The following PLEKHH2 variants were observed in gnomAD, a reference collection of about 807,000 sequenced individuals.
PLEKHH2 encodes pleckstrin homology domain-containing family H member 2.
In PLEKHH2, 129 loss-of-function variants were observed where a neutral mutation model predicts 187.9. The observed-to-expected ratio is 0.69, with a 90% CI of 0.59 to 0.79. The LOEUF is 0.79. Ranked by LOEUF, PLEKHH2 falls within the 30% of genes least tolerant of loss-of-function variation. The pLI is 0.00. For synonymous variants in PLEKHH2, 686 were observed against 605.6 expected (o/e 1.13, Z -1.95); for missense variants, 2,076 against 1,751.2 (o/e 1.19, Z -3.31).
intron 24 of PLEKHH2, among the ~76,000 whole-genome samples, chr2:43,750,060 AGCCAAG>A (rs1671944617): frequency 6.6e-6 from 1 of 152,244 alleles, no homozygotes; most frequent in Non-Finnish European, 1.5e-5. Context: ...AAGTTGTAAG[AGCCAAG>A]GCATGTTTTT....
chr2:43,685,223 A>G (rs1263087735), intron 3 of PLEKHH2, among the ~76,000 whole-genome samples: 1 of 152,190 alleles, frequency 6.6e-6, no homozygotes, highest in African/African-American at 2.4e-5. Context: ...AAAAAGGAAT[A>G]TTTTGCCACT....
At chr2:43,677,411 T>C (rs897679350) in intron 2 of PLEKHH2, among the ~76,000 whole-genome samples, 8 of 152,162 alleles carry the variant, frequency 5.3e-5, no homozygotes, top group African/African-American at 1.9e-4. Flanking sequence ...TTAACGAGCA[T>C]GCTGCCTTCA....
At chr2:43,712,514 T>G in intron 15 of PLEKHH2, 131 bp downstream of exon 15, 1 of 1,089,596 alleles carries the variant, frequency 9.2e-7, no homozygotes, top group South Asian at 1.9e-5. Context: ...AAAGGGTGTT[T>G]TTAAGTATGA....
intron 27 of PLEKHH2, among the ~76,000 whole-genome samples, chr2:43,762,049 A>G (rs1162460476): frequency 1.3e-5 from 2 of 152,216 alleles, no homozygotes; most frequent in Non-Finnish European, 1.5e-5. Context: ...ATTGAGCCTC[A>G]AACAGATTCA....
chr2:43,707,533 G>C lies in PLEKHH2; in HGVS notation c.1954G>C (p.Ala652Pro). 1 of 1,613,950 alleles carries C rather than the reference G, an allele frequency of 6.2e-7. No individual in the cohort carries two copies. Among genetic ancestry groups the C allele is most frequent in the Non-Finnish European group, 8.5e-7 (1 of 1,179,896 alleles). ...TAGGAGTGGGCCAGGCAGCCCCAGA[G>C]CCATGAAACGAGGTGAGGGAAAATC... ...RSRSGPGSPR[A>P]MKRGVSLSSV... Residue 652 changes from alanine (A) to proline (P), a missense_variant, in exon 11 of 30, where the codon GCC (alanine) becomes CCC (proline). Physicochemically the swap from Ala to Pro is conservative, Grantham distance 27. Transcript: ENST00000282406.
At chr2:43,753,302 C>G (rs149746878) in intron 24 of PLEKHH2, among the ~76,000 whole-genome samples, 1 of 152,156 alleles carries the variant, frequency 6.6e-6, no homozygotes, top group African/African-American at 2.4e-5. Flanking sequence ...TTCTTATAAG[C>G]GCCATATAGT....
chr2:43,746,918 C>G (rs554044816), intron 24 of PLEKHH2, among the ~76,000 whole-genome samples: 1 of 150,880 alleles, frequency 6.6e-6, no homozygotes, highest in East Asian at 2.0e-4. Flanking sequence ...TGCAGTGAGC[C>G]AAGATCGCAC....
intron 2 of PLEKHH2, among the ~76,000 whole-genome samples, chr2:43,645,770 A>G (rs866395971): frequency 2.0e-5 from 3 of 152,248 alleles, no homozygotes; most frequent in South Asian, 4.1e-4. Flanking sequence ...GGCTCATATT[A>G]TATTTCTATT....
chr2:43,671,708 G>A (rs1000987119), intron 2 of PLEKHH2, among the ~76,000 whole-genome samples: 15 of 152,098 alleles, frequency 9.9e-5, no homozygotes, highest in African/African-American at 2.9e-4. Context: ...TTCATCTATC[G>A]AAATGATATT....
Position 43,692,551 on chromosome 2 carries a change from T to C in PLEKHH2, c.224T>C (p.Ile75Thr). 3.1e-6 allele frequency: 5 copies of C among 1,590,684 alleles called. No individual in the cohort carries two copies. Among genetic ancestry groups the C allele is most frequent in the Non-Finnish European group, 4.3e-6 (5 of 1,160,772 alleles). Residue 75 changes from isoleucine (I) to threonine (T), a missense_variant, in exon 4 of 30, where the codon ATT (isoleucine) becomes ACT (threonine). Ile to Thr is a moderately conservative substitution (Grantham distance 89). Coordinates refer to ENST00000282406, the MANE Select transcript of PLEKHH2 (RefSeq NM_172069.4). ...VMEDKLKAAN[I>T]QTSESETRLY... Reference sequence around the variant, plus strand: ...GAAGATAAATTAAAAGCAGCTAATATTCAAACCAGTGAATCAGAGACAAGA... The same window carrying C: ...GAAGATAAATTAAAAGCAGCTAATACTCAAACCAGTGAATCAGAGACAAGA...
At chr2:43,713,522 G>A (rs1019460413) in intron 15 of PLEKHH2, among the ~76,000 whole-genome samples, 1 of 152,116 alleles carries the variant, frequency 6.6e-6, no homozygotes, top group Non-Finnish European at 1.5e-5. Context: ...GAAATATGAT[G>A]TATTGTTAGG....
chr2:43,698,619 A>G (rs1669210615), intron 7 of PLEKHH2, among the ~76,000 whole-genome samples: 1 of 152,096 alleles, frequency 6.6e-6, no homozygotes, highest in Non-Finnish European at 1.5e-5. Context: ...AGTGGAGTAC[A>G]GCTGAGATTG....
Position 43,700,396 on chromosome 2 carries a change from C to G in PLEKHH2, c.1438C>G (p.Arg480Gly). 1 of 1,613,974 alleles carries G rather than the reference C, an allele frequency of 6.2e-7. No homozygotes were observed. The highest frequency in any genetic ancestry group is 2.2e-5 in the East Asian group (1 of 44,880). ...AAATAGAAACGCTATAAGCATGATA[C>G]GACCACTGAGACCTCAGGAAACTGA... Reference protein sequence around the residue: ...GTNRNAISMIRPLRPQETDLD... With the variant: ...GTNRNAISMIGPLRPQETDLD... Residue 480 changes from arginine to glycine, a missense_variant, in exon 8 of 30, where the codon CGA (arginine) becomes GGA (glycine). Arg to Gly is a moderately radical substitution (Grantham distance 125, BLOSUM62 -2). Transcript: ENST00000282406.
rs773104764 is a variant in PLEKHH2 at position 43,738,473 on chromosome 2, A to C, written c.3076A>C (p.Lys1026Gln). The change falls in exon 20 of 30, where the codon AAA (lysine) becomes CAA (glutamine). Residue 1026 changes from lysine (K) to glutamine (Q), a missense_variant. Transcript: ENST00000282406. ...GAATGAAATTTGCTGTCAGCTTATT[A>C]AACAGACAAGACGAAGACAGCCACA... ...LQNEICCQLIKQTRRRQPQNQ... is the reference protein window; with the variant it reads ...LQNEICCQLIQQTRRRQPQNQ... 2 of 1,613,876 alleles carry C rather than the reference A, an allele frequency of 1.2e-6. No individual in the cohort carries two copies. The highest frequency in any genetic ancestry group is 1.7e-6 in the Non-Finnish European group (2 of 1,179,842).
chr2:43,740,546 T>C (rs1671515899), intron 20 of PLEKHH2, among the ~76,000 whole-genome samples: 1 of 152,218 alleles, frequency 6.6e-6, no homozygotes. Context: ...TGTAGGTAGA[T>C]TGGTTTTGAT....
At chr2:43,748,024 ACACT>A (rs1188176724) in intron 24 of PLEKHH2, among the ~76,000 whole-genome samples, 1 of 152,216 alleles carries the variant, frequency 6.6e-6, no homozygotes, top group African/African-American at 2.4e-5. Flanking sequence ...CTTGGGACAG[ACACT>A]CACATGTTTA....
chr2:43,684,277 T>C (rs1272693776), intron 3 of PLEKHH2, among the ~76,000 whole-genome samples: 1 of 151,838 alleles, frequency 6.6e-6, no homozygotes, highest in African/African-American at 2.4e-5. Context: ...CCTAGTAGCA[T>C]CTTTCTTTAC....
At chr2:43,716,427 G>A (rs1418161349) in intron 15 of PLEKHH2, among the ~76,000 whole-genome samples, 1 of 152,138 alleles carries the variant, frequency 6.6e-6, no homozygotes, top group African/African-American at 2.4e-5. Context: ...TACTAAGAGT[G>A]GGGAAAAGGG....
At chr2:43,733,969 C>A (rs116128438) in intron 19 of PLEKHH2, among the ~76,000 whole-genome samples, 1 of 152,238 alleles carries the variant, frequency 6.6e-6, no homozygotes, top group Non-Finnish European at 1.5e-5. Context: ...AAAATTGATT[C>A]CACAGGAAAA....
Sources: allele counts gnomAD v4.1 joint callset (sites outside exome capture counted in the v4.1 genomes callset), GRCh38; gene constraint gnomAD v4.1.1; transcripts MANE v1.5; gene names NCBI Gene and HGNC (gene_info 2026-07-23, HGNC 2026-07-21).